The following AREG variants were observed in gnomAD, a reference collection of about 807,000 sequenced individuals.
AREG encodes the protein amphiregulin.
In AREG, 16 loss-of-function variants were observed where a neutral mutation model predicts 28.0. That is an observed-to-expected ratio of 0.57 (90% CI 0.39 to 0.87). AREG has a LOEUF of 0.87. Ranked by LOEUF, AREG falls within the 40% of genes least tolerant of loss-of-function variation. AREG has a pLI of 0.00. For synonymous variants in AREG, 113 were observed against 113.5 expected (o/e 1.00, Z 0.02); for missense variants, 287 against 309.1 (o/e 0.93, Z 0.53).
intron 2 of AREG, among the ~76,000 whole-genome samples, chr4:74,448,307 T>G (rs1719325170): frequency 1.3e-5 from 2 of 152,252 alleles, no homozygotes; most frequent in African/African-American, 4.8e-5. Flanking sequence ...TTGTTAAATG[T>G]TATTATAATA....
chr4:74,450,826 T>C (rs1719368289), intron 4 of AREG, among the ~76,000 whole-genome samples: 1 of 152,220 alleles, frequency 6.6e-6, no homozygotes. Flanking sequence ...ATGGTTACTT[T>C]AGAATCTCAG....
intron 4 of AREG, among the ~76,000 whole-genome samples, chr4:74,450,887 C>G (rs905395991): frequency 2.6e-5 from 4 of 152,036 alleles, no homozygotes; most frequent in African/African-American, 9.7e-5. Flanking sequence ...GCCTCAGGAG[C>G]TAATTAAGAC....
chr4:74,448,916 T>G, intron 2 of AREG, 131 bp from the exon 3 acceptor site: 7 of 1,272,866 alleles, frequency 5.5e-6, no homozygotes, highest in Non-Finnish European at 7.6e-6. Context: ...AACTTTTATA[T>G]TGTGTTAGGT....
intron 2 of AREG, among the ~76,000 whole-genome samples, chr4:74,448,232 CAG>C (rs1329841778): frequency 2.6e-5 from 4 of 152,176 alleles, no homozygotes; most frequent in African/African-American, 7.2e-5. Flanking sequence ...TTTTTATCGT[CAG>C]AGAAAAGTTT....
intron 2 of AREG, among the ~76,000 whole-genome samples, chr4:74,447,532 G>T (rs985029257): frequency 3.3e-5 from 5 of 152,212 alleles, no homozygotes; most frequent in African/African-American, 7.2e-5. Flanking sequence ...AAGGCCCTTT[G>T]CTTGGAGTGA....
At chr4:74,445,979 AATAATAATCGAT>A (rs1245665908) in intron 1 of AREG, among the ~76,000 whole-genome samples, 8 of 152,280 alleles carry the variant, frequency 5.3e-5, no homozygotes, top group African/African-American at 1.2e-4. Context: ...GAAAAATGAC[AATAATAATCGAT>A]ATAATTAACC....
chr4:74,445,287 C>T lies in AREG; in HGVS notation c.-59C>T. ...CAACACCCGCTCGTTTTGGCGGCAG[C>T]TCGTGTCCCAGAGACCGAGTTGCCC... On this transcript the variant is annotated 5_prime_UTR_variant, in exon 1 of 6. Coordinates refer to ENST00000395748, the MANE Select transcript of AREG (RefSeq NM_001657.4). 1 of 1,585,322 alleles carries T rather than the reference C, an allele frequency of 6.3e-7. No homozygotes were observed. The highest frequency in any genetic ancestry group is 1.3e-5 in the African/African-American group (1 of 74,478).
chr4:74,449,383 A>G (rs1719344554), intron 3 of AREG, 135 bp downstream of exon 3: 1 of 1,472,510 alleles, frequency 6.8e-7, no homozygotes. Context: ...CCAGATAGTA[A>G]ATATTATAGG....
chr4:74,450,233 C>T, intron 3 of AREG, 147 bp from the exon 4 acceptor site: 1 of 1,283,232 alleles, frequency 7.8e-7, no homozygotes. Context: ...AGTTAGAATG[C>T]ATTCTGTGTC....
In AREG at chr4:74,445,319, C is replaced by G. The variant is rs1719251357; in HGVS notation, c.-27C>G. 6.2e-7 allele frequency: 1 copy of G among 1,605,504 alleles called. No individual in the cohort carries two copies. The highest frequency in any genetic ancestry group is 8.5e-7 in the Non-Finnish European group (1 of 1,177,742). On this transcript the variant is annotated 5_prime_UTR_variant, in exon 1 of 6. Transcript: ENST00000395748. ...CCCAGAGACCGAGTTGCCCCAGAGA[C>G]CGAGACGCCGCCGCTGCGAAGGACC...
At chr4:74,450,306 A>G (rs992401178) in intron 3 of AREG, 74 bp from the exon 4 acceptor site, 33 of 1,610,938 alleles carry the variant, frequency 2.0e-5, no homozygotes, top group Non-Finnish European at 2.6e-5. Flanking sequence ...ATGGTTCTTT[A>G]TGATCTGGAG....
In AREG at chr4:74,452,520, A is replaced by T. The variant is rs1719396062; in HGVS notation, c.666-24A>T. ...TATAGATGAATAGAACCTTGATAAC[A>T]TTAGAATGCCTTGTTCTCTGAAGGC... On this transcript the variant is annotated intron_variant, in intron 4 of 5. Transcript: ENST00000395748. 1.2e-6 allele frequency: 2 copies of T among 1,613,122 alleles called. 1 individual carries two copies.
At chr4:74,452,089 T>C (rs1719390211) in intron 4 of AREG, among the ~76,000 whole-genome samples, 2 of 152,224 alleles carry the variant, frequency 1.3e-5, no homozygotes, top group South Asian at 2.1e-4. Context: ...AAAGCAGCAG[T>C]AAATTAAACT....
intron 4 of AREG, among the ~76,000 whole-genome samples, chr4:74,451,203 A>G (rs1259530984): frequency 6.6e-6 from 1 of 152,206 alleles, no homozygotes; most frequent in Non-Finnish European, 1.5e-5. Flanking sequence ...ATAACAGATC[A>G]CACACTTCAC....
At chr4:74,446,932 C>A in intron 2 of AREG, 150 bp downstream of exon 2, 2 of 1,519,812 alleles carry the variant, frequency 1.3e-6, no homozygotes, top group East Asian at 2.3e-5. Flanking sequence ...ACAAAAAGAA[C>A]CATAATGTGG....
chr4:74,447,464 A>G (rs1225200150), intron 2 of AREG, among the ~76,000 whole-genome samples: 1 of 152,062 alleles, frequency 6.6e-6, no homozygotes, highest in Non-Finnish European at 1.5e-5. Context: ...CCCAAATCCC[A>G]TTTGTTAGTT....
In AREG at chr4:74,452,533, G is replaced by A. The variant is rs891535686; in HGVS notation, c.666-11G>A. 1.9e-6 allele frequency: 3 copies of A among 1,613,228 alleles called. No individual in the cohort carries two copies. Among genetic ancestry groups the A allele is most frequent in the East Asian group, 2.2e-5 (1 of 44,788 alleles). On this transcript the variant is annotated splice_polypyrimidine_tract_variant and intron_variant, in intron 4 of 5. Coordinates refer to ENST00000395748, the MANE Select transcript of AREG (RefSeq NM_001657.4). ...AACCTTGATAACATTAGAATGCCTT[G>A]TTCTCTGAAGGCTTAGAAGACAATA...
Position 74,449,189 on chromosome 4 carries a change from A to G in AREG, c.453A>G (p.Gln151=), listed in dbSNP as rs1719340848. 4.3e-6 allele frequency: 7 copies of G among 1,613,354 alleles called. No individual in the cohort carries two copies. The highest frequency in any genetic ancestry group is 4.5e-5 in the East Asian group (2 of 44,798). ...AAAATCCATGTAATGCAGAATTTCAAAATTTCTGCATTCACGGAGAATGCA... is the reference window on the plus strand; with the variant it reads ...AAAATCCATGTAATGCAGAATTTCAGAATTTCTGCATTCACGGAGAATGCA... ...KKKNPCNAEF[Q]NFCIHGECKY... The change falls in exon 3 of 6, where the codon CAA becomes CAG. Residue 151 remains glutamine, a synonymous_variant. Transcript: ENST00000395748.
chr4:74,446,957 G>T (rs1272372236), intron 2 of AREG, among the ~76,000 whole-genome samples, 175 bp downstream of exon 2: 3 of 152,074 alleles, frequency 2.0e-5, no homozygotes, highest in African/African-American at 7.2e-5. Context: ...ATCCTATATG[G>T]CCAGAGTGAT....
Sources: allele counts gnomAD v4.1 joint callset (sites outside exome capture counted in the v4.1 genomes callset), GRCh38; gene constraint gnomAD v4.1.1; transcripts MANE v1.5; gene names NCBI Gene and HGNC (gene_info 2026-07-23, HGNC 2026-07-21).